EPB41L1: variants seen among roughly 807,000 people sequenced by gnomAD.
EPB41L1 encodes band 4.1-like protein 1.
A neutral mutation model predicts 97.8 loss-of-function variants in EPB41L1; 29 were observed. The observed-to-expected ratio is 0.30, with a 90% CI of 0.22 to 0.40. The LOEUF (loss-of-function observed/expected upper bound fraction) is 0.40. EPB41L1 is among the 10% of genes least tolerant of loss of function. EPB41L1 has a pLI of 1.00. For missense variants in EPB41L1, 812 were observed against 1,162.3 expected, an observed-to-expected ratio of 0.70 and a Z score of 4.38; for synonymous variants, 383 against 459.2, an observed-to-expected ratio of 0.83 and a Z score of 2.12.
At chr20:36,124,417 C>A (rs372540873) in intron 2 of EPB41L1, among the ~76,000 whole-genome samples, 8 of 152,152 alleles carry the variant, frequency 5.3e-5, no homozygotes, top group African/African-American at 1.9e-4. Flanking sequence ...CCATCTATCT[C>A]TATTGGTCTC....
chr20:36,159,288 T>C (rs1469720757), intron 1 of EPB41L1, among the ~76,000 whole-genome samples: 2 of 152,218 alleles, frequency 1.3e-5, no homozygotes, highest in Non-Finnish European at 2.9e-5. Context: ...CAGAGCTTCC[T>C]CTATAATAGC....
chr20:36,153,593 GGA>G (rs1214304271), upstream of EPB41L1, among the ~76,000 whole-genome samples: 1 of 152,166 alleles, frequency 6.6e-6, no homozygotes, highest in Non-Finnish European at 1.5e-5. Context: ...AGAAATCTTT[GGA>G]GATCATGCTG....
chr20:36,211,006 G>A (rs186168567), intron 15 of EPB41L1, among the ~76,000 whole-genome samples: 4 of 152,212 alleles, frequency 2.6e-5, no homozygotes, highest in South Asian at 2.1e-4. Context: ...CCAGGAGTTC[G>A]AGGCTACAGT....
At position 36,204,428 on chromosome 20, in the gene EPB41L1, T is replaced by C. The variant is rs2042891202; in HGVS notation, c.1669-5060T>C. Among the ~76,000 whole-genome samples, 8 of 149,798 alleles carry C rather than the reference T, an allele frequency of 5.3e-5. No homozygotes were observed. In the South Asian group the frequency reaches 1.7e-3, roughly 32 times the overall value. On this transcript the variant is annotated intron_variant, in intron 14 of 21. Coordinates refer to ENST00000338074, the MANE Select transcript of EPB41L1 (RefSeq NM_012156.2). Reference sequence around the variant, plus strand: ...TTGTTTGAAGAACTCTTGGGGGAGGTAGAGGCTGTTGGGAGATGGCCTAAC... The same window carrying C: ...TTGTTTGAAGAACTCTTGGGGGAGGCAGAGGCTGTTGGGAGATGGCCTAAC...
In EPB41L1 at chr20:36,134,329, A is replaced by G. The variant is rs375238229; in HGVS notation, c.-10+21849A>G. On this transcript the variant is annotated intron_variant, in intron 2 of 19. Coordinates refer to the EPB41L1 transcript ENST00000202028. ...CCCGAGGTTGTGTTCTAGCTTTGCC[A>G]CTGGCTCACGCTGTGAACTTAAGCA... Among the ~76,000 whole-genome samples the G allele has an allele frequency of 8.5e-5, 13 of 152,226 alleles. 2 individuals carry two copies. Among genetic ancestry groups the G allele is most frequent in the Admixed American group, 6.5e-4 (10 of 15,292 alleles).
At position 36,209,660 on chromosome 20, in the gene EPB41L1, C is replaced by T; in HGVS notation, c.1841C>T (p.Ser614Phe). 6.2e-7 allele frequency: 1 copy of T among 1,614,220 alleles called. No individual in the cohort carries two copies. Among genetic ancestry groups the T allele is most frequent in the Non-Finnish European group, 8.5e-7 (1 of 1,180,044 alleles). The change falls in exon 15 of 22, where the codon TCT becomes TTT. Residue 614 changes from serine (S) to phenylalanine (F), a missense_variant. By Grantham distance (155) the Ser-to-Phe change is radical (BLOSUM62 -2). This residue lies in a region of EPB41L1 where 498 missense variants were observed against 622.7 expected (regional missense o/e 0.80). Transcript: ENST00000338074. The surrounding 1 kb of genome is among the most constrained non-coding windows in gnomAD (Gnocchi z 4.2). The part of the protein sequence containing the change: ...KCSSITVSST[S>F]SLEAEVDFTV... ...TCCAGCATCACGGTCAGCTCTACGTCTAGCCTGGAGGCTGAGGTGGACTTC... is the reference window on the plus strand; with the variant it reads ...TCCAGCATCACGGTCAGCTCTACGTTTAGCCTGGAGGCTGAGGTGGACTTC...
intron 1 of EPB41L1, among the ~76,000 whole-genome samples, chr20:36,169,420 T>C (rs1352108986): frequency 6.6e-6 from 1 of 152,148 alleles, no homozygotes; most frequent in African/African-American, 2.4e-5. Context: ...GTGTGAAGTC[T>C]CTAGCCCTGG....
In EPB41L1 at chr20:36,218,870, C is replaced by T; in HGVS notation, c.2269-6C>T. Reference sequence around the variant, plus strand: ...GCTGGCCATCTGAGCACTATTGTTTCCCCAGGAGAACAGTCTCAAGTCCGG... The same window carrying T: ...GCTGGCCATCTGAGCACTATTGTTTTCCCAGGAGAACAGTCTCAAGTCCGG... On this transcript the variant is annotated splice_region_variant and splice_polypyrimidine_tract_variant and intron_variant, in intron 17 of 21. Transcript: ENST00000338074. 1 of 1,614,006 alleles carries T rather than the reference C, an allele frequency of 6.2e-7. No individual in the cohort carries two copies. Among genetic ancestry groups the T allele is most frequent in the South Asian group, 1.1e-5 (1 of 91,062 alleles).
In EPB41L1 at chr20:36,192,863, G is replaced by T. The variant is rs147637912; in HGVS notation, c.1301-1349G>T. ...GGACAGAAATGGCTCTGCAGAAAGGGTGCCAACTGGGCAGGGTTTGGAAGG... is the reference window on the plus strand; with the variant it reads ...GGACAGAAATGGCTCTGCAGAAAGGTTGCCAACTGGGCAGGGTTTGGAAGG... On this transcript the variant is annotated intron_variant, in intron 11 of 21. Transcript: ENST00000338074. 2.4e-4 allele frequency among the ~76,000 whole-genome samples: 36 copies of T among 152,338 alleles called. No individual in the cohort carries two copies. The East Asian group carries it at 6.4e-3, about 27-fold the overall frequency.
intron 1 of EPB41L1, among the ~76,000 whole-genome samples, chr20:36,171,075 A>T (rs908865326): frequency 2.0e-5 from 3 of 151,586 alleles, no homozygotes; most frequent in Non-Finnish European, 4.4e-5. Context: ...CTGGGCCCAC[A>T]AGGGGTCATG....
At chr20:36,227,382 A>G (rs2064228318) in intron 21 of EPB41L1, among the ~76,000 whole-genome samples, 1 of 152,232 alleles carries the variant, frequency 6.6e-6, no homozygotes, top group Non-Finnish European at 1.5e-5. Context: ...TTTTGGAGCT[A>G]GAAACACCTT....
intron 1 of EPB41L1, among the ~76,000 whole-genome samples, chr20:36,158,876 C>A (rs903159806): frequency 3.3e-5 from 5 of 152,198 alleles, no homozygotes; most frequent in Admixed American, 3.3e-4. Context: ...GGTGTTTCGA[C>A]TTGACGTGAG....
chr20:36,186,620 C>G (rs531298893), intron 7 of EPB41L1, among the ~76,000 whole-genome samples: 1 of 152,276 alleles, frequency 6.6e-6, no homozygotes, highest in Admixed American at 6.5e-5. Flanking sequence ...TTAGCAATAT[C>G]CACCTGGGCA....
Position 36,206,715 on chromosome 20 carries a change from C to T in EPB41L1, c.1669-2773C>T, listed in dbSNP as rs767649779. ...GACCTGGTGACCTGAAGGGATCTCCCGCAGGACAGACGTTTGCTGAAGGCT... is the reference window on the plus strand; with the variant it reads ...GACCTGGTGACCTGAAGGGATCTCCTGCAGGACAGACGTTTGCTGAAGGCT... On this transcript the variant is annotated intron_variant, in intron 14 of 21. Transcript: ENST00000338074. The surrounding 1 kb of genome is among the most constrained non-coding windows in gnomAD (Gnocchi z 5.5). 2.6e-5 allele frequency: 34 copies of T among 1,289,818 alleles called. No individual in the cohort carries two copies. Among genetic ancestry groups the T allele is most frequent in the Middle Eastern group, 2.1e-4 (1 of 4,696 alleles). 79.9% of individuals were successfully genotyped at this position (1,289,818 alleles called of 1,614,324 possible).
rs187834845 is a variant in EPB41L1, at chr20:36,097,750, C to T, written c.-65+6138C>T. Among the ~76,000 whole-genome samples the T allele has an allele frequency of 4.5e-4, 68 of 152,318 alleles. No individual in the cohort carries two copies. The East Asian group carries it at 8.9e-3, about 20-fold the overall frequency. On this transcript the variant is annotated intron_variant, in intron 1 of 19. Coordinates refer to the EPB41L1 transcript ENST00000202028. ...TGAAATAGCATGTGCAAAGGCAGAA[C>T]GGCTTCTTAGGGGAACCCCAAATAG...
intron 2 of EPB41L1, among the ~76,000 whole-genome samples, chr20:36,141,354 T>C (rs75561581): frequency 2.6e-5 from 4 of 152,104 alleles, no homozygotes; most frequent in African/African-American, 9.7e-5. Context: ...TTTTTTTTTC[T>C]TTTACTGTCA....
intron 19 of EPB41L1, among the ~76,000 whole-genome samples, chr20:36,221,323 T>C (rs893142977): frequency 6.6e-6 from 1 of 152,272 alleles, no homozygotes; most frequent in African/African-American, 2.4e-5. Context: ...TTGAAGTTGC[T>C]TAAGGCAGAA....
chr20:36,095,598 T>C (rs1328952072), intron 1 of EPB41L1, among the ~76,000 whole-genome samples: 6 of 152,236 alleles, frequency 3.9e-5, no homozygotes, highest in African/African-American at 1.2e-4. Context: ...GTTTGTCTCG[T>C]TGTTACCCAG....
intron 2 of EPB41L1, among the ~76,000 whole-genome samples, chr20:36,113,235 T>G (rs893407651): frequency 2.6e-5 from 4 of 152,186 alleles, no homozygotes; most frequent in Non-Finnish European, 4.4e-5. Flanking sequence ...GAGAGGGAAC[T>G]CAGCCAATGG....
Sources: allele counts gnomAD v4.1 joint callset (sites outside exome capture counted in the v4.1 genomes callset), GRCh38; gene constraint gnomAD v4.1.1; regional missense constraint gnomAD v4.1.1; non-coding constraint Gnocchi (gnomAD v3.1); transcripts MANE v1.5; gene names NCBI Gene and HGNC (gene_info 2026-07-23, HGNC 2026-07-21).